The following SCD5 variants were observed in gnomAD, a reference collection of about 807,000 sequenced individuals.
SCD5 encodes the protein stearoyl-CoA desaturase 5, also known as acyl-CoA-desaturase 4.
SCD5 carries 20 observed loss-of-function variants against 30.4 expected under a neutral mutation model. That is an observed-to-expected ratio of 0.66 (90% CI 0.46 to 0.96). The LOEUF is 0.96. Ranked by LOEUF, SCD5 falls within the 40% of genes least tolerant of loss-of-function variation. The pLI, the probability that SCD5 is intolerant of heterozygous loss-of-function variation, is 0.00. For missense variants in SCD5, 381 were observed against 443.3 expected (o/e 0.86, Z 1.26); for synonymous variants, 173 against 176.4 (o/e 0.98, Z 0.16).
intron 3 of SCD5, among the ~76,000 whole-genome samples, chr4:82,671,292 T>C (rs1412711479): frequency 1.3e-5 from 2 of 152,146 alleles, no homozygotes; most frequent in Non-Finnish European, 2.9e-5. Flanking sequence ...ATAATTATAA[T>C]TGGAGATGTG....
intron 1 of SCD5, among the ~76,000 whole-genome samples, chr4:82,744,052 C>G (rs189777041): frequency 2.0e-5 from 3 of 152,216 alleles, no homozygotes; most frequent in East Asian, 1.9e-4. Context: ...TCTCAAAGTT[C>G]TAAGCTCAAC....
chr4:82,788,692 C>T (rs1423334138), intron 1 of SCD5, among the ~76,000 whole-genome samples: 1 of 152,134 alleles, frequency 6.6e-6, no homozygotes, highest in African/African-American at 2.4e-5. Flanking sequence ...TACCTGGCCA[C>T]AAGTGAGATT....
At chr4:82,661,652 T>C (rs1404350573) in intron 3 of SCD5, among the ~76,000 whole-genome samples, 1 of 152,252 alleles carries the variant, frequency 6.6e-6, no homozygotes, top group Non-Finnish European at 1.5e-5. Flanking sequence ...CTTAAGTACA[T>C]GCATTTATGC....
At chr4:82,793,465 C>T (rs191080430) in intron 1 of SCD5, among the ~76,000 whole-genome samples, 7 of 152,338 alleles carry the variant, frequency 4.6e-5, no homozygotes, top group Non-Finnish European at 1.5e-5. Flanking sequence ...GTGTTCATCT[C>T]TCTTTGGAAC....
intron 1 of SCD5, among the ~76,000 whole-genome samples, chr4:82,706,378 A>C (rs542349102): frequency 1.3e-5 from 2 of 152,362 alleles, no homozygotes; most frequent in African/African-American, 4.8e-5. Flanking sequence ...TCAGACCTTT[A>C]CCACAGACAT....
chr4:82,742,824 C>T (rs904079436), intron 1 of SCD5, among the ~76,000 whole-genome samples: 3 of 152,124 alleles, frequency 2.0e-5, no homozygotes, highest in Non-Finnish European at 4.4e-5. Context: ...AGAGAGCTCA[C>T]CAATGATGCG....
At chr4:82,646,033 G>A (rs1309592270) in intron 3 of SCD5, among the ~76,000 whole-genome samples, 1 of 152,162 alleles carries the variant, frequency 6.6e-6, no homozygotes, top group Non-Finnish European at 1.5e-5. Context: ...CATGAAGGGG[G>A]GGAAATGACC....
intron 1 of SCD5, among the ~76,000 whole-genome samples, chr4:82,731,126 A>G (rs535010295): frequency 2.0e-5 from 3 of 152,332 alleles, no homozygotes; most frequent in Non-Finnish European, 2.9e-5. Flanking sequence ...AAGGAACAAC[A>G]AAGTGTCATT....
chr4:82,711,699 T>C (rs997295756), intron 1 of SCD5, among the ~76,000 whole-genome samples: 4 of 125,490 alleles, frequency 3.2e-5, no homozygotes, highest in Non-Finnish European at 5.1e-5. Context: ...AAGTAAGACC[T>C]TGTCTTAAAA....
intron 3 of SCD5, among the ~76,000 whole-genome samples, chr4:82,668,002 A>C (rs972335693): frequency 6.6e-6 from 1 of 152,236 alleles, no homozygotes; most frequent in Non-Finnish European, 1.5e-5. Flanking sequence ...AGGATGATGA[A>C]GTGAGGAGAG....
rs761677503 is a variant in SCD5 at position 82,631,495 on chromosome 4, A to G, written c.825T>C (p.His275=). 5.0e-6 allele frequency: 8 copies of G among 1,614,004 alleles called. No homozygotes were observed. The highest frequency in any genetic ancestry group is 6.8e-6 in the Non-Finnish European group (8 of 1,179,978). ...GAIGEGFHNY[H]HTFPFDYSAS... is the part of the protein sequence containing the mutation. The stretch of plus-strand genomic sequence containing the variant: ...CAGAGTAGTCAAAGGGAAAGGTGTG[A>G]TGGTAATTATGGAAGCCTTCACCTG... The change falls in exon 5 of 5, where the codon CAT becomes CAC. Residue 275 remains histidine (H), a synonymous_variant. Transcript: ENST00000319540.
At chr4:82,660,347 A>G in intron 3 of SCD5, 1 of 602,616 alleles carries the variant, frequency 1.7e-6, no homozygotes, top group African/African-American at 2.0e-5. Context: ...GGAACTCTCC[A>G]CCCCAAATCA....
intron 4 of SCD5, 150 bp downstream of exon 4, chr4:82,636,441 A>C (rs1577999181): frequency 1.6e-6 from 1 of 628,080 alleles, no homozygotes; most frequent in Non-Finnish European, 2.7e-6. Flanking sequence ...ACAGAGTGAG[A>C]CTCTATCTCG....
At chr4:82,716,540 G>A (rs58903729) in intron 1 of SCD5, among the ~76,000 whole-genome samples, 3,530 of 151,948 alleles carry the variant, frequency 0.023, 202 homozygotes, top group African/African-American at 0.079. Flanking sequence ...AAGCCTGGGC[G>A]TGGTGGCTCA....
At chr4:82,687,260 TA>T (rs1159707187) in intron 2 of SCD5, among the ~76,000 whole-genome samples, 1 of 151,330 alleles carries the variant, frequency 6.6e-6, no homozygotes, top group Non-Finnish European at 1.5e-5. Context: ...CCATTTTTAA[TA>T]AAAAATATAA....
chr4:82,640,708 C>T (rs1178906877), intron 3 of SCD5, among the ~76,000 whole-genome samples: 1 of 152,206 alleles, frequency 6.6e-6, no homozygotes, highest in East Asian at 1.9e-4. Flanking sequence ...ATAACAGTCA[C>T]TGGCCTTTGT....
At chr4:82,683,212 T>C (rs1431714997) in intron 2 of SCD5, among the ~76,000 whole-genome samples, 1 of 152,230 alleles carries the variant, frequency 6.6e-6, no homozygotes, top group African/African-American at 2.4e-5. Flanking sequence ...CTTTAGATTT[T>C]ACAGTGTATT....
At chr4:82,797,880 G>A (rs1328284088) in intron 1 of SCD5, among the ~76,000 whole-genome samples, 2 of 152,130 alleles carry the variant, frequency 1.3e-5, no homozygotes, top group African/African-American at 2.4e-5. Context: ...GGTGATGGGG[G>A]GGATAGGAGA....
chr4:82,688,390 A>G (rs990267159), intron 2 of SCD5, among the ~76,000 whole-genome samples: 2 of 152,116 alleles, frequency 1.3e-5, no homozygotes, highest in Non-Finnish European at 2.9e-5. Context: ...ATAGAAAAAG[A>G]TACTGGTGGC....
Sources: gnomAD v4.1 joint callset for allele counts (sites outside exome capture counted in the v4.1 genomes callset) on GRCh38, gnomAD v4.1.1 for gene constraint, MANE v1.5 for transcripts, NCBI Gene and HGNC (gene_info 2026-07-23, HGNC 2026-07-21) for gene names.